The following SNTG1 variants were observed in gnomAD, a reference collection of about 807,000 sequenced individuals.
The protein encoded by SNTG1 is syntrophin gamma 1, also known as gamma-1-syntrophin.
Under a neutral mutation model 74.7 loss-of-function variants are expected in SNTG1, and 39 were observed. That is an observed-to-expected ratio of 0.52 (90% CI 0.40 to 0.68). SNTG1 has a LOEUF of 0.68. Ranked by LOEUF, SNTG1 falls within the 30% of genes least tolerant of loss-of-function variation. The pLI, the probability that SNTG1 is intolerant of heterozygous loss-of-function variation, is 0.00. For missense variants in SNTG1, 685 were observed against 609.5 expected (o/e 1.12, Z -1.30); for synonymous variants, 254 against 217.1 (o/e 1.17, Z -1.49).
intron 8 of SNTG1, among the ~76,000 whole-genome samples, chr8:50,495,194 T>C (rs1422250610): frequency 2.0e-5 from 3 of 152,156 alleles, no homozygotes; most frequent in Non-Finnish European, 2.9e-5. Context: ...AAATTTAGAC[T>C]AGAAATGCCT....
intron 2 of SNTG1, among the ~76,000 whole-genome samples, chr8:50,217,738 C>G (rs56317801): frequency 0.42 from 63,937 of 151,926 alleles, 16,713 homozygotes; most frequent in African/African-American, 0.75. Context: ...GCTAAGAAAG[C>G]CTACCATATT....
chr8:50,715,949 C>A (rs1266323931), intron 17 of SNTG1, among the ~76,000 whole-genome samples: 1 of 152,138 alleles, frequency 6.6e-6, no homozygotes, highest in Admixed American at 6.5e-5. Context: ...ACACTGATTT[C>A]TAGAATCTTT....
At chr8:50,619,464 G>A (rs1025389003) in intron 13 of SNTG1, among the ~76,000 whole-genome samples, 2 of 152,142 alleles carry the variant, frequency 1.3e-5, no homozygotes, top group Non-Finnish European at 2.9e-5. Context: ...GGGCAAGGTG[G>A]CTCACGCCTG....
At chr8:50,037,344 G>T (rs545017281) in intron 1 of SNTG1, among the ~76,000 whole-genome samples, 2 of 152,300 alleles carry the variant, frequency 1.3e-5, no homozygotes, top group African/African-American at 4.8e-5. Flanking sequence ...AGGTCCAGCA[G>T]GTCTAACGTG....
At chr8:50,324,707 C>G (rs2090668516) in intron 2 of SNTG1, among the ~76,000 whole-genome samples, 1 of 151,968 alleles carries the variant, frequency 6.6e-6, no homozygotes, top group African/African-American at 2.4e-5. Context: ...CTTCTCTTCT[C>G]ATTTCCTTGA....
chr8:50,277,264 C>G (rs1193198155), intron 2 of SNTG1, among the ~76,000 whole-genome samples: 1 of 95,164 alleles, frequency 1.1e-5, no homozygotes, highest in Non-Finnish European at 2.0e-5. Flanking sequence ...AAGACCCTGC[C>G]AAAAAAAAAA....
chr8:50,303,135 G>C (rs1010234805), intron 2 of SNTG1, among the ~76,000 whole-genome samples: 1 of 151,966 alleles, frequency 6.6e-6, no homozygotes, highest in Non-Finnish European at 1.5e-5. Context: ...CTGTAAATAC[G>C]TTAGTAGCAT....
intron 17 of SNTG1, among the ~76,000 whole-genome samples, chr8:50,721,643 C>A (rs1003386068): frequency 2.6e-5 from 4 of 152,018 alleles, no homozygotes; most frequent in African/African-American, 9.7e-5. Context: ...TTAGGGAAAT[C>A]ACTAAAAAGG....
chr8:50,076,064 TA>T (rs1255688346), intron 1 of SNTG1, among the ~76,000 whole-genome samples: 4 of 152,148 alleles, frequency 2.6e-5, no homozygotes, highest in Non-Finnish European at 2.9e-5. Flanking sequence ...CTTCAATTTG[TA>T]AAAAATCCAA....
rs557728565 is a variant in SNTG1, at chr8:50,592,349, G to A, written c.849+1432G>A. Reference sequence around the variant, plus strand: ...TTAAGAATGACTCTAGAGCTGTGTCGTCACCCTCTCATGCCCTTTCTAAAC... The same window carrying A: ...TTAAGAATGACTCTAGAGCTGTGTCATCACCCTCTCATGCCCTTTCTAAAC... On this transcript the variant is annotated intron_variant, in intron 13 of 18. Coordinates refer to ENST00000642720, the MANE Select transcript of SNTG1 (RefSeq NM_018967.5). 3.3e-5 allele frequency among the ~76,000 whole-genome samples: 5 copies of A among 152,172 alleles called. No individual in the cohort carries two copies. The East Asian group carries it at 5.8e-4, about 18-fold the overall frequency.
At chr8:50,171,334 C>G (rs989235465) in intron 1 of SNTG1, among the ~76,000 whole-genome samples, 1 of 152,106 alleles carries the variant, frequency 6.6e-6, no homozygotes, top group African/African-American at 2.4e-5. Context: ...GCAAAGAAAC[C>G]AGTTTGAGTC....
chr8:50,027,776 A>G (rs1817392392), intron 1 of SNTG1, among the ~76,000 whole-genome samples: 2 of 152,184 alleles, frequency 1.3e-5, no homozygotes, highest in African/African-American at 2.4e-5. Flanking sequence ...ATCCAACACA[A>G]TTCATTGTAA....
rs866401689 is a variant in SNTG1 at position 50,639,240 on chromosome 8, C to T, written c.850-17669C>T. On this transcript the variant is annotated intron_variant, in intron 13 of 18. Coordinates refer to ENST00000642720, the MANE Select transcript of SNTG1 (RefSeq NM_018967.5). Reference sequence around the variant, plus strand: ...TCAGTTAAAAAAAAAAAAGCTATTTCTGTATTTCAGTGGCTTCTTTATTTT... The same window carrying T: ...TCAGTTAAAAAAAAAAAAGCTATTTTTGTATTTCAGTGGCTTCTTTATTTT... Among the ~76,000 whole-genome samples, 484 of 149,250 alleles carry T rather than the reference C, an allele frequency of 3.2e-3. 1 individual carries two copies. Among genetic ancestry groups the T allele is most frequent in the Middle Eastern group, 0.028 (8 of 284 alleles).
chr8:50,459,673 C>A (rs1277148543), intron 8 of SNTG1, among the ~76,000 whole-genome samples: 1 of 151,930 alleles, frequency 6.6e-6, no homozygotes, highest in Non-Finnish European at 1.5e-5. Flanking sequence ...ACCTTGTACC[C>A]CTCCTTCCCT....
At chr8:49,956,819 A>G (rs1016017524) in intron 1 of SNTG1, among the ~76,000 whole-genome samples, 3 of 152,186 alleles carry the variant, frequency 2.0e-5, no homozygotes, top group Non-Finnish European at 2.9e-5. Flanking sequence ...GGTAAATAAT[A>G]TATTAACTTA....
intron 12 of SNTG1, among the ~76,000 whole-genome samples, chr8:50,571,750 T>G (rs993923892): frequency 6.6e-6 from 1 of 152,172 alleles, no homozygotes; most frequent in Non-Finnish European, 1.5e-5. Context: ...GAATATTCCC[T>G]AGGTGATTCG....
intron 1 of SNTG1, among the ~76,000 whole-genome samples, chr8:50,115,207 G>A (rs959581194): frequency 6.6e-6 from 1 of 152,070 alleles, no homozygotes; most frequent in African/African-American, 2.4e-5. Context: ...AAATTCAGGT[G>A]TTAAGACTGG....
intron 18 of SNTG1, among the ~76,000 whole-genome samples, chr8:50,778,914 C>T (rs976607885): frequency 1.6e-4 from 24 of 152,142 alleles, no homozygotes; most frequent in Admixed American, 6.5e-5. Flanking sequence ...TTTCAGCTTT[C>T]CACATATCGC....
At chr8:50,520,638 A>G (rs2094171970) in intron 9 of SNTG1, among the ~76,000 whole-genome samples, 1 of 152,262 alleles carries the variant, frequency 6.6e-6, no homozygotes, top group Non-Finnish European at 1.5e-5. Flanking sequence ...TCTCAAAAGA[A>G]GACATCTATG....
Sources: allele counts gnomAD v4.1 joint callset (sites outside exome capture counted in the v4.1 genomes callset), GRCh38; gene constraint gnomAD v4.1.1; transcripts MANE v1.5; gene names NCBI Gene and HGNC (gene_info 2026-07-23, HGNC 2026-07-21).